The following ENTPD6 variants were observed in gnomAD, a reference collection of about 807,000 sequenced individuals.
ENTPD6 encodes the protein CD39 antigen-like 2.
Under a neutral mutation model 61.5 loss-of-function variants are expected in ENTPD6, and 46 were observed. The ratio of observed to expected loss-of-function variants is 0.75; its 90% CI spans 0.59 to 0.96. The LOEUF (loss-of-function observed/expected upper bound fraction) is 0.96, where lower values mean the gene tolerates loss of function less well. ENTPD6 is among the 40% of genes least tolerant of loss of function. The pLI is 0.00. For missense variants in ENTPD6, 612 were observed against 629.0 expected, an observed-to-expected ratio of 0.97 and a Z score of 0.29; for synonymous variants, 252 against 255.5, an observed-to-expected ratio of 0.99 and a Z score of 0.13.
Position 25,218,624 on chromosome 20 carries a change from C to T in ENTPD6, c.943+10C>T. 6.3e-7 allele frequency: 1 copy of T among 1,595,696 alleles called. No homozygotes were observed. Among genetic ancestry groups the T allele is most frequent in the Non-Finnish European group, 8.5e-7 (1 of 1,174,002 alleles). ...GTGGAGGGGCAGCCTGGTGAGTGGA[C>T]ATGTTGCCCCGGGCCCACTTTCACA... On this transcript the variant is annotated intron_variant, in intron 10 of 14. Coordinates refer to ENST00000376652, the MANE Select transcript of ENTPD6 (RefSeq NM_001247.5).
intron 11 of ENTPD6, 72 bp from the exon 12 acceptor site, chr20:25,222,766 G>T: frequency 1.3e-6 from 2 of 1,576,956 alleles, no homozygotes. Flanking sequence ...AGTCCCCTGG[G>T]AGGGGCCCCA....
chr20:25,208,878 G>A (rs2091723317), intron 3 of ENTPD6, among the ~76,000 whole-genome samples: 1 of 152,090 alleles, frequency 6.6e-6, no homozygotes. Context: ...TGTTTTGTGT[G>A]TAAATTATCT....
chr20:25,227,807 C>T lies in ENTPD6; in HGVS notation c.*2210C>T, dbSNP rs1294570885. Among the ~76,000 whole-genome samples, 1 of 152,262 alleles carries T rather than the reference C, an allele frequency of 6.6e-6. No individual in the cohort carries two copies. The highest frequency in any genetic ancestry group is 2.4e-5 in the African/African-American group (1 of 41,464). On this transcript the variant is annotated 3_prime_UTR_variant, in exon 15 of 15. Transcript: ENST00000376652. Reference sequence around the variant, plus strand: ...TTCAGGGCATAAGCAGACGTTGCCACGTTGCCTTCAATCCTACTGGACAAG... The same window carrying T: ...TTCAGGGCATAAGCAGACGTTGCCATGTTGCCTTCAATCCTACTGGACAAG...
chr20:25,225,991 T>G lies in ENTPD6; in HGVS notation c.*394T>G. On this transcript the variant is annotated 3_prime_UTR_variant, in exon 15 of 15. Transcript: ENST00000376652. ...CTTGTCTCCCAGCCTGTCAGTTTCC[T>G]CCCCAGGGCAGAGCTCCCCTTCCTG... 1 of 162,106 alleles carries G rather than the reference T, an allele frequency of 6.2e-6. No individual in the cohort carries two copies. The highest frequency in any genetic ancestry group is 1.9e-4 in the South Asian group (1 of 5,270). The allele number at this position is 162,106 out of a possible 1,614,324, so 10.0% of individuals were successfully genotyped here. A position where few individuals can be genotyped will look rare whatever the true frequency, so the allele number is the denominator to read the frequency against.
intron 10 of ENTPD6, among the ~76,000 whole-genome samples, chr20:25,219,277 G>A (rs1600654258): frequency 6.6e-6 from 1 of 152,210 alleles, no homozygotes; most frequent in East Asian, 1.9e-4. Flanking sequence ...CCCTACATTG[G>A]GAGCTGGCTT....
intron 10 of ENTPD6, among the ~76,000 whole-genome samples, 174 bp from the exon 11 acceptor site, chr20:25,221,058 C>T (rs1288806093): frequency 6.6e-6 from 1 of 152,228 alleles, no homozygotes; most frequent in Non-Finnish European, 1.5e-5. Context: ...TGCTTCCTGG[C>T]CAACGAGGCT....
At chr20:25,210,420 A>C (rs755731364) in intron 4 of ENTPD6, among the ~76,000 whole-genome samples, 14 of 150,590 alleles carry the variant, frequency 9.3e-5, no homozygotes, top group Non-Finnish European at 1.5e-4. Flanking sequence ...CTGGGGCAAG[A>C]GGATCTCTTG....
At chr20:25,216,044 T>G (rs527864164) in intron 7 of ENTPD6, among the ~76,000 whole-genome samples, 1 of 152,354 alleles carries the variant, frequency 6.6e-6, no homozygotes, top group Admixed American at 6.5e-5. Context: ...TATCTTCCAA[T>G]ATTGAATGTG....
chr20:25,212,864 C>T (rs968734982), intron 4 of ENTPD6, among the ~76,000 whole-genome samples: 2 of 152,184 alleles, frequency 1.3e-5, no homozygotes, highest in Non-Finnish European at 2.9e-5. Context: ...CACCACCACG[C>T]CCGGCTAATT....
intron 1 of ENTPD6, chr20:25,196,101 G>A: frequency 1.8e-6 from 2 of 1,120,120 alleles, no homozygotes; most frequent in Non-Finnish European, 2.3e-6. Context: ...GGGCCAAATA[G>A]CAGGGGCCTG....
At chr20:25,197,717 C>T (rs150478990) in intron 1 of ENTPD6, among the ~76,000 whole-genome samples, 123 of 152,328 alleles carry the variant, frequency 8.1e-4, no homozygotes, top group African/African-American at 2.9e-3. Flanking sequence ...CTCTTCTTCC[C>T]ACCCTTGTGC....
intron 1 of ENTPD6, among the ~76,000 whole-genome samples, chr20:25,200,271 T>G (rs994248229): frequency 2.6e-5 from 4 of 152,260 alleles, no homozygotes; most frequent in Non-Finnish European, 5.9e-5. Context: ...TTAAACAGAT[T>G]GCTATTTTTG....
chr20:25,217,022 T>C (rs2092355124), intron 8 of ENTPD6, among the ~76,000 whole-genome samples: 1 of 152,200 alleles, frequency 6.6e-6, no homozygotes, highest in Non-Finnish European at 1.5e-5. Flanking sequence ...CCAGAGGATA[T>C]GAAGTGCTGC....
rs1292636443 is a variant in ENTPD6, at chr20:25,216,714, T to C, written c.776T>C (p.Ile259Thr). 1.2e-6 allele frequency: 2 copies of C among 1,603,522 alleles called. No homozygotes were observed. The highest frequency in any genetic ancestry group is 4.5e-5 in the East Asian group (2 of 44,534). ...GACTTGGGCGGAGGATCCACTCAGA[T>C]CGCCTTCCTGCCACGCGTGGAGGTA... ...MLDLGGGSTQ[I>T]AFLPRVEGTL... The change falls in exon 8 of 15, where the codon ATC (isoleucine) becomes ACC (threonine). Residue 259 changes from isoleucine to threonine, a missense_variant. Coordinates refer to ENST00000376652, the MANE Select transcript of ENTPD6 (RefSeq NM_001247.5).
intron 3 of ENTPD6, among the ~76,000 whole-genome samples, chr20:25,208,377 C>T (rs931416415): frequency 6.6e-6 from 1 of 152,114 alleles, no homozygotes; most frequent in Non-Finnish European, 1.5e-5. Context: ...ACCTGGTAGG[C>T]GGAGTTTGCA....
intron 11 of ENTPD6, 63 bp downstream of exon 11, chr20:25,221,396 T>G (rs752170361): frequency 3.4e-5 from 43 of 1,255,442 alleles, no homozygotes; most frequent in Non-Finnish European, 5.0e-5. Flanking sequence ...CTCTCCCCCT[T>G]GCCTTTCCCA....
chr20:25,223,561 C>G (rs753508098), intron 12 of ENTPD6, among the ~76,000 whole-genome samples: 23 of 152,110 alleles, frequency 1.5e-4, no homozygotes, highest in African/African-American at 5.6e-4. Flanking sequence ...TAAGCTGACA[C>G]GGTGCCGGCT....
At chr20:25,216,487 T>C (rs565914541) in intron 7 of ENTPD6, among the ~76,000 whole-genome samples, 161 bp from the exon 8 acceptor site, 1 of 152,286 alleles carries the variant, frequency 6.6e-6, no homozygotes, top group East Asian at 1.9e-4. Flanking sequence ...ATTACTCTTG[T>C]CCCTTAGATA....
intron 5 of ENTPD6, 81 bp from the exon 6 acceptor site, chr20:25,214,786 T>C: frequency 1.1e-6 from 1 of 905,104 alleles, no homozygotes. Context: ...CTGCTTCACT[T>C]GACTAGCTAG....
Sources: gnomAD v4.1 joint callset for allele counts (sites outside exome capture counted in the v4.1 genomes callset) on GRCh38, gnomAD v4.1.1 for gene constraint, MANE v1.5 for transcripts, NCBI Gene and HGNC (gene_info 2026-07-23, HGNC 2026-07-21) for gene names.